Variants in TRPM3 observed in about 807,000 individuals in gnomAD.
TRPM3 encodes the protein long transient receptor potential channel 3.
In TRPM3, 77 loss-of-function variants were observed where a neutral mutation model predicts 181.2. The ratio of observed to expected loss-of-function variants is 0.42; its 90% CI spans 0.35 to 0.51. TRPM3 has a LOEUF of 0.51. TRPM3 is among the 20% of genes least tolerant of loss of function. The pLI, the probability that TRPM3 is intolerant of heterozygous loss-of-function variation, is 0.01. For missense variants in TRPM3, 1,759 were observed against 2,196.7 expected (o/e 0.80, Z 3.98); for synonymous variants, 745 against 796.4 (o/e 0.94, Z 1.09).
chr9:71,174,101 CA>C (rs1372002726), intron 1 of TRPM3, among the ~76,000 whole-genome samples: 1 of 151,998 alleles, frequency 6.6e-6, no homozygotes, highest in African/African-American at 2.4e-5. Flanking sequence ...ATATTTCCTT[CA>C]AAAATTAAAA....
chr9:71,322,351 G>C lies in TRPM3; in HGVS notation c.183+124302C>G, dbSNP rs571972055. Reference sequence around the variant, plus strand: ...CACACAAATGATTCATCCAGACGATGATACCATAAAATATCGTTATTTAAA... The same window carrying C: ...CACACAAATGATTCATCCAGACGATCATACCATAAAATATCGTTATTTAAA... On this transcript the variant is annotated intron_variant, in intron 1 of 24. Transcript: ENST00000357533. Among the ~76,000 whole-genome samples the C allele has an allele frequency of 2.0e-3, 310 of 152,216 alleles. 1 individual carries two copies. The highest frequency in any genetic ancestry group is 7.0e-3 in the African/African-American group (291 of 41,550).
intron 1 of TRPM3, among the ~76,000 whole-genome samples, chr9:71,084,224 T>G (rs918542895): frequency 6.6e-6 from 1 of 151,972 alleles, no homozygotes; most frequent in Non-Finnish European, 1.5e-5. Flanking sequence ...CTTGGTCCAG[T>G]ATATACTAAT....
rs1409924839 is a variant in TRPM3, at chr9:70,545,711, C to T, written c.3707+3831G>A. Among the ~76,000 whole-genome samples, 3 of 151,906 alleles carry T rather than the reference C, an allele frequency of 2.0e-5. No individual in the cohort carries two copies. In the East Asian group the frequency reaches 5.8e-4, roughly 29 times the overall value. On this transcript the variant is annotated intron_variant, in intron 25 of 25. Coordinates refer to ENST00000677713, the MANE Select transcript of TRPM3 (RefSeq NM_001366145.2). Reference sequence around the variant, plus strand: ...TACAGGTGCCTGCCACCATGCCTGACTAATTTTTGTGTTTTCAGTAGAGAT... The same window carrying T: ...TACAGGTGCCTGCCACCATGCCTGATTAATTTTTGTGTTTTCAGTAGAGAT...
In TRPM3 at chr9:71,237,068, GGA is replaced by G. The variant is rs1491185601; in HGVS notation, c.183+209583_183+209584del. Among the ~76,000 whole-genome samples, 4 of 129,070 alleles carry G rather than the reference GGA, an allele frequency of 3.1e-5. No homozygotes were observed. In the East Asian group the frequency reaches 6.8e-4, roughly 22 times the overall value. 84.7% of individuals were successfully genotyped at this position (129,070 alleles called of 152,430 possible). A position where few individuals can be genotyped will look rare whatever the true frequency, so the allele number is the denominator to read the frequency against. ...TCAAAAAAAAAAAAAAAAGGGGGGG[GGA>G]AAAAAAGAAAGGAAAGGGAAGGGGG... On this transcript the variant is annotated intron_variant, in intron 1 of 24. Transcript: ENST00000357533.
At chr9:70,676,011 T>C (rs1291262720) in intron 9 of TRPM3, among the ~76,000 whole-genome samples, 1 of 152,204 alleles carries the variant, frequency 6.6e-6, no homozygotes, top group Non-Finnish European at 1.5e-5. Flanking sequence ...CAGGAACCCA[T>C]TCAAGAAACC....
At chr9:71,191,467 T>G (rs1215766645) in intron 1 of TRPM3, among the ~76,000 whole-genome samples, 4 of 151,826 alleles carry the variant, frequency 2.6e-5, no homozygotes, top group Admixed American at 1.3e-4. Flanking sequence ...AGCTTGCAAC[T>G]AATGCTCTAC....
chr9:70,542,572 A>C (rs533556216), intron 25 of TRPM3, among the ~76,000 whole-genome samples: 44 of 152,228 alleles, frequency 2.9e-4, no homozygotes, highest in Non-Finnish European at 5.0e-4. Context: ...AACAGCATTC[A>C]AAAGAAGATT....
At position 71,347,932 on chromosome 9, in the gene TRPM3, G is replaced by T. The variant is rs149207759; in HGVS notation, c.183+98721C>A. Among the ~76,000 whole-genome samples the T allele has an allele frequency of 8.7e-4, 133 of 152,138 alleles. 4 individuals carry two copies. In the East Asian group the frequency reaches 0.023, roughly 27 times the overall value. ...AAGATACACATTCCCTGCAAATAGGGCTGATTGATTTGCACTAAGAAATAG... is the reference window on the plus strand; with the variant it reads ...AAGATACACATTCCCTGCAAATAGGTCTGATTGATTTGCACTAAGAAATAG... On this transcript the variant is annotated intron_variant, in intron 1 of 24. Coordinates refer to the TRPM3 transcript ENST00000357533.
chr9:70,669,086 C>T (rs1333738814), intron 9 of TRPM3, among the ~76,000 whole-genome samples: 11 of 152,176 alleles, frequency 7.2e-5, no homozygotes, highest in Admixed American at 7.2e-4. Context: ...AGTCACAGAG[C>T]ACAAGGATGC....
In TRPM3 at chr9:71,192,411, A is replaced by C. The variant is rs536504155; in HGVS notation, c.183+254242T>G. Among the ~76,000 whole-genome samples, 162 of 151,974 alleles carry C rather than the reference A, an allele frequency of 1.1e-3. 1 individual carries two copies. The highest frequency in any genetic ancestry group is 3.4e-3 in the Middle Eastern group (1 of 294). On this transcript the variant is annotated intron_variant, in intron 1 of 24. Coordinates refer to the TRPM3 transcript ENST00000357533. ...AAATTTTTAAGAGAATTTATGACAGAGAATTGTATGTTATCTTTTGACATT... is the reference window on the plus strand; with the variant it reads ...AAATTTTTAAGAGAATTTATGACAGCGAATTGTATGTTATCTTTTGACATT...
In TRPM3 at chr9:71,099,819, C is replaced by T. The variant is rs2068004315; in HGVS notation, c.177+21359G>A. Among the ~76,000 whole-genome samples the T allele has an allele frequency of 2.0e-5, 3 of 151,910 alleles. No individual in the cohort carries two copies. The South Asian group carries it at 6.2e-4, about 32-fold the overall frequency. ...TAGAAAGGAGGTGTCATTATTACTC[C>T]CTTTACAGATGAGGAAACTGAGGTT... On this transcript the variant is annotated intron_variant, in intron 1 of 25. Coordinates refer to ENST00000677713, the MANE Select transcript of TRPM3 (RefSeq NM_001366145.2).
intron 1 of TRPM3, among the ~76,000 whole-genome samples, chr9:71,057,269 C>T (rs540864408): frequency 6.6e-6 from 1 of 152,130 alleles, no homozygotes; most frequent in African/African-American, 2.4e-5. Context: ...TCTTGGGACA[C>T]TTTCTCTACC....
chr9:71,402,286 C>T lies in TRPM3; in HGVS notation c.183+44367G>A, dbSNP rs568028161. Among the ~76,000 whole-genome samples, 3 of 152,194 alleles carry T rather than the reference C, an allele frequency of 2.0e-5. No individual in the cohort carries two copies. In the South Asian group the frequency reaches 6.2e-4, roughly 32 times the overall value. On this transcript the variant is annotated intron_variant, in intron 1 of 24. Transcript: ENST00000357533. ...AAAATCTTGCCTCTTTAGTAGTCAA[C>T]GAAGAATTATAGTACACAAGATAAT...
At position 70,598,525 on chromosome 9, in the gene TRPM3, C is replaced by T. The variant is rs1241868154; in HGVS notation, c.2942G>A (p.Gly981Glu). Reference sequence around the variant, plus strand: ...GATGTTCACGCAGTAGATGACCCTCCCGTCACTCCTGAAGGGCTGGTCTTG... The same window carrying T: ...GATGTTCACGCAGTAGATGACCCTCTCGTCACTCCTGAAGGGCTGGTCTTG... Reference protein sequence around the residue: ...RLQDQPFRSDGRVIYCVNIIY... With the variant: ...RLQDQPFRSDERVIYCVNIIY... Residue 981 changes from glycine to glutamate, a missense_variant, in exon 21 of 26, where the codon GGG becomes GAG. By Grantham distance (98) the Gly-to-Glu change is moderately conservative. This residue lies in a region of TRPM3 where 100 missense variants were observed against 123.0 expected (regional missense o/e 0.81). Coordinates refer to ENST00000677713, the MANE Select transcript of TRPM3 (RefSeq NM_001366145.2). 6.2e-7 allele frequency: 1 copy of T among 1,614,114 alleles called. No individual in the cohort carries two copies. The highest frequency in any genetic ancestry group is 8.5e-7 in the Non-Finnish European group (1 of 1,180,062).
chr9:71,328,242 C>A (rs1364141102), intron 1 of TRPM3, among the ~76,000 whole-genome samples: 1 of 152,142 alleles, frequency 6.6e-6, no homozygotes, highest in African/African-American at 2.4e-5. Flanking sequence ...CAGCTCACTG[C>A]AAGCTCCGCC....
intron 1 of TRPM3, among the ~76,000 whole-genome samples, chr9:71,026,673 T>G (rs1476609666): frequency 1.3e-5 from 2 of 152,114 alleles, no homozygotes; most frequent in Non-Finnish European, 2.9e-5. Flanking sequence ...CCACCAGCCC[T>G]GCCCACTCCA....
chr9:71,011,947 A>AT (rs1297703436), intron 1 of TRPM3, among the ~76,000 whole-genome samples: 2 of 151,298 alleles, frequency 1.3e-5, no homozygotes, highest in African/African-American at 2.4e-5. Flanking sequence ...TGCCTGGCTA[A>AT]TTTTTTTATA....
intron 1 of TRPM3, among the ~76,000 whole-genome samples, chr9:71,193,308 G>C (rs540422609): frequency 1.3e-5 from 2 of 151,698 alleles, no homozygotes; most frequent in South Asian, 4.2e-4. Flanking sequence ...GTAAATATCT[G>C]AAAAAGTCAC....
At chr9:70,933,723 T>C (rs148360757) in intron 1 of TRPM3, among the ~76,000 whole-genome samples, 35 of 151,936 alleles carry the variant, frequency 2.3e-4, no homozygotes, top group East Asian at 2.1e-3. Context: ...TTAATGCGTT[T>C]GTTTAAAGAT....
Sources: allele counts gnomAD v4.1 joint callset (sites outside exome capture counted in the v4.1 genomes callset), GRCh38; gene constraint gnomAD v4.1.1; regional missense constraint gnomAD v4.1.1; transcripts MANE v1.5; gene names NCBI Gene and HGNC (gene_info 2026-07-23, HGNC 2026-07-21).